MTUS2: variants seen among roughly 807,000 people sequenced by gnomAD.
The protein encoded by MTUS2 is microtubule associated scaffold protein 2, also known as microtubule-associated tumor suppressor candidate 2.
MTUS2 carries 40 observed loss-of-function variants against 114.1 expected under a neutral mutation model. That is an observed-to-expected ratio of 0.35 (90% confidence interval 0.27 to 0.46). The LOEUF (loss-of-function observed/expected upper bound fraction) is 0.46. MTUS2 is among the 20% of genes least tolerant of loss of function. The pLI is 1.00. For missense variants in MTUS2, 1,679 were observed against 1,705.4 expected (o/e 0.98, Z 0.27); for synonymous variants, 688 against 672.0 (o/e 1.02, Z -0.37).
chr13:29,254,091 A>G (rs1016583113), intron 5 of MTUS2, among the ~76,000 whole-genome samples: 2 of 152,194 alleles, frequency 1.3e-5, no homozygotes, highest in Non-Finnish European at 2.9e-5. Flanking sequence ...AAGGTGAGAT[A>G]GGTTCTGGAA....
At chr13:29,166,435 T>C (rs1263741159) in intron 5 of MTUS2, among the ~76,000 whole-genome samples, 1 of 152,184 alleles carries the variant, frequency 6.6e-6, no homozygotes, top group Non-Finnish European at 1.5e-5. Context: ...TTCCAGCAGC[T>C]CTAGACAGAA....
At chr13:29,036,894 T>C (rs1220412918) in intron 4 of MTUS2, among the ~76,000 whole-genome samples, 1 of 151,908 alleles carries the variant, frequency 6.6e-6, no homozygotes, top group African/African-American at 2.4e-5. Flanking sequence ...ATTTTGGGCC[T>C]ATGTGTGTCT....
rs1157058607 is a variant in MTUS2, at chr13:29,000,458, G to A, written c.-242-23999G>A. ...GCTCTCTGCAACCTCCACCCCCTGG[G>A]TTTAAGCAATTTTCCTGCCTGAGCC... On this transcript the variant is annotated intron_variant, in intron 2 of 15. Transcript: ENST00000612955. 2.6e-5 allele frequency among the ~76,000 whole-genome samples: 4 copies of A among 152,044 alleles called. No homozygotes were observed. In the East Asian group the frequency reaches 7.7e-4, roughly 29 times the overall value.
At chr13:29,433,474 C>G (rs1007238484) in intron 8 of MTUS2, among the ~76,000 whole-genome samples, 5 of 152,086 alleles carry the variant, frequency 3.3e-5, no homozygotes, top group African/African-American at 1.2e-4. Context: ...AGAAATAATA[C>G]TTATTGATTA....
chr13:29,147,057 T>C (rs1892465178), intron 5 of MTUS2, among the ~76,000 whole-genome samples: 3 of 152,206 alleles, frequency 2.0e-5, no homozygotes, highest in Admixed American at 6.5e-5. Context: ...GTAATACCCA[T>C]TGTATGTAAA....
intron 4 of MTUS2, among the ~76,000 whole-genome samples, chr13:29,089,007 G>T (rs1889822025): frequency 6.6e-6 from 1 of 152,138 alleles, no homozygotes; most frequent in African/African-American, 2.4e-5. Flanking sequence ...GTTGTTAGCT[G>T]GTTGTTATGT....
intron 2 of MTUS2, among the ~76,000 whole-genome samples, chr13:28,932,118 C>G (rs932848880): frequency 7.2e-5 from 11 of 152,124 alleles, no homozygotes; most frequent in Non-Finnish European, 1.6e-4. Context: ...AACAGAGAAT[C>G]CCATATAAGC....
chr13:29,095,386 T>C (rs117185065), intron 4 of MTUS2, among the ~76,000 whole-genome samples: 2,454 of 152,302 alleles, frequency 0.016, 34 homozygotes, highest in Middle Eastern at 0.031. Context: ...TTGACCTTTT[T>C]ATCATTGTGA....
At chr13:29,153,537 T>C (rs1341263046) in intron 5 of MTUS2, among the ~76,000 whole-genome samples, 1 of 152,096 alleles carries the variant, frequency 6.6e-6, no homozygotes, top group Non-Finnish European at 1.5e-5. Context: ...TCTTTCCCAT[T>C]GTGTGCTTCC....
At chr13:29,389,322 T>TGTGTGTATATATGTATACAC (rs1345978501) in intron 8 of MTUS2, among the ~76,000 whole-genome samples, 22 of 53,228 alleles carry the variant, frequency 4.1e-4, no homozygotes, top group African/African-American at 9.7e-4. Context: ...TGTATACACA[T>TGTGTGTATATATGTATACAC]ATGTGTGTAT....
intron 9 of MTUS2, chr13:29,476,487 TGTTA>T (rs1394703925): frequency 2.0e-5 from 3 of 152,254 alleles, no homozygotes; most frequent in Admixed American, 6.5e-5. Flanking sequence ...TTCCATGTTA[TGTTA>T]GTTTTTTAAA....
At chr13:29,011,725 A>G (rs1885852086) in intron 2 of MTUS2, among the ~76,000 whole-genome samples, 1 of 152,238 alleles carries the variant, frequency 6.6e-6, no homozygotes, top group Non-Finnish European at 1.5e-5. Flanking sequence ...TACAAAGTCT[A>G]ACTAATGAAA....
At position 28,846,046 on chromosome 13, in the gene MTUS2, TA is replaced by T. The variant is rs34933871; in HGVS notation, c.-243+6206del. Among the ~76,000 whole-genome samples, 819 of 120,012 alleles carry T rather than the reference TA, an allele frequency of 6.8e-3. 5 individuals carry two copies. Among genetic ancestry groups the T allele is most frequent in the African/African-American group, 0.02 (682 of 34,300 alleles). 78.7% of individuals were successfully genotyped at this position (120,012 alleles called of 152,430 possible). On this transcript the variant is annotated intron_variant, in intron 2 of 15. Transcript: ENST00000612955. ...AAAAACATATATGCAGTCTTTTTCT[TA>T]AAAAAAAAATATATATATATATATA...
At chr13:29,138,532 C>T (rs1892079960) in intron 5 of MTUS2, among the ~76,000 whole-genome samples, 1 of 147,582 alleles carries the variant, frequency 6.8e-6, no homozygotes, top group Admixed American at 6.8e-5. Context: ...AACTTTATAA[C>T]TCAAGTACAT....
At chr13:28,885,435 G>A (rs1878537824) in intron 2 of MTUS2, among the ~76,000 whole-genome samples, 1 of 152,162 alleles carries the variant, frequency 6.6e-6, no homozygotes, top group South Asian at 2.1e-4. Flanking sequence ...TTATTTAGGG[G>A]GATTAAGTGT....
chr13:29,261,491 A>C (rs972575192), intron 5 of MTUS2, among the ~76,000 whole-genome samples: 27 of 152,210 alleles, frequency 1.8e-4, no homozygotes, highest in Non-Finnish European at 3.8e-4. Context: ...AATAATCCAC[A>C]AGTCCCTCAG....
At chr13:29,194,540 G>A (rs76034646) in intron 5 of MTUS2, among the ~76,000 whole-genome samples, 1 of 152,120 alleles carries the variant, frequency 6.6e-6, no homozygotes, top group Non-Finnish European at 1.5e-5. Flanking sequence ...CGAAACCACA[G>A]TGAGATACCA....
chr13:29,446,588 G>A (rs1456787384), intron 9 of MTUS2, among the ~76,000 whole-genome samples: 6 of 152,136 alleles, frequency 3.9e-5, no homozygotes, highest in South Asian at 4.1e-4. Flanking sequence ...TATAGTGTTT[G>A]CAAATTACTT....
chr13:29,261,635 G>A (rs1897474883), intron 5 of MTUS2, among the ~76,000 whole-genome samples: 1 of 152,202 alleles, frequency 6.6e-6, no homozygotes, highest in Non-Finnish European at 1.5e-5. Flanking sequence ...ATAAGCCCTT[G>A]ATCATTTCTA....
Sources: gnomAD v4.1 joint callset for allele counts (sites outside exome capture counted in the v4.1 genomes callset) on GRCh38, gnomAD v4.1.1 for gene constraint, MANE v1.5 for transcripts, NCBI Gene and HGNC (gene_info 2026-07-23, HGNC 2026-07-21) for gene names.